CTXND1: variants seen among roughly 807,000 people sequenced by gnomAD.
CTXND1 encodes the protein cortexin domain containing 1.
chr15:80,229,619 T>C (rs532313151), intron 1 of CTXND1, among the ~76,000 whole-genome samples: 2 of 152,372 alleles, frequency 1.3e-5, no homozygotes, highest in East Asian at 3.9e-4. Flanking sequence ...TTTGATACTC[T>C]GATGCAAATT....
At chr15:80,210,809 A>T (rs1232833495) in intron 1 of CTXND1, among the ~76,000 whole-genome samples, 1 of 152,218 alleles carries the variant, frequency 6.6e-6, no homozygotes, top group East Asian at 1.9e-4. Context: ...TGGAATTCCC[A>T]GGTCAGGGTC....
intron 1 of CTXND1, among the ~76,000 whole-genome samples, chr15:80,239,545 T>TGAC (rs1356160769): frequency 6.6e-6 from 1 of 152,230 alleles, no homozygotes; most frequent in East Asian, 1.9e-4. Context: ...TGCTGGATGC[T>TGAC]TCCTGCCCTC....
chr15:80,247,152 C>T (rs1019222830), intron 1 of CTXND1, among the ~76,000 whole-genome samples: 3 of 152,114 alleles, frequency 2.0e-5, no homozygotes, highest in African/African-American at 7.2e-5. Flanking sequence ...GAATTTGACA[C>T]CAGGAGGTCC....
At chr15:80,232,941 C>CTTTTTT (rs71455324) in intron 1 of CTXND1, among the ~76,000 whole-genome samples, 3 of 123,212 alleles carry the variant, frequency 2.4e-5, no homozygotes, top group Non-Finnish European at 3.3e-5. Context: ...ATGCAACTTC[C>CTTTTTT]TTTTTTTTTT....
chr15:80,243,658 T>G (rs1332191706), intron 1 of CTXND1, among the ~76,000 whole-genome samples: 1 of 152,178 alleles, frequency 6.6e-6, no homozygotes, highest in Non-Finnish European at 1.5e-5. Flanking sequence ...ATCTTTCTCC[T>G]TGTACCCCAA....
At chr15:80,243,718 G>A (rs1223924228) in intron 1 of CTXND1, among the ~76,000 whole-genome samples, 1 of 152,214 alleles carries the variant, frequency 6.6e-6, no homozygotes, top group Non-Finnish European at 1.5e-5. Flanking sequence ...GGCAGACAGA[G>A]TGTGCAGATG....
At chr15:80,209,653 G>A (rs920563098) in intron 1 of CTXND1, among the ~76,000 whole-genome samples, 3 of 152,154 alleles carry the variant, frequency 2.0e-5, no homozygotes, top group Non-Finnish European at 2.9e-5. Flanking sequence ...CATAGGACAC[G>A]ATGAAGAATC....
intron 1 of CTXND1, among the ~76,000 whole-genome samples, chr15:80,242,125 G>T (rs762831742): frequency 6.6e-6 from 1 of 152,200 alleles, no homozygotes; most frequent in Non-Finnish European, 1.5e-5. Flanking sequence ...TAGGTTGAGA[G>T]AGACACCCTA....
chr15:80,213,648 G>T (rs59907061), intron 1 of CTXND1, among the ~76,000 whole-genome samples: 1 of 152,108 alleles, frequency 6.6e-6, no homozygotes, highest in Non-Finnish European at 1.5e-5. Context: ...ATCTAAAGAC[G>T]TAAAGAGAAA....
intron 1 of CTXND1, among the ~76,000 whole-genome samples, chr15:80,223,002 T>A (rs973207776): frequency 7.9e-5 from 12 of 152,336 alleles, no homozygotes; most frequent in African/African-American, 2.6e-4. Context: ...ATAAATGGAA[T>A]CATACAGAAT....
At chr15:80,226,214 G>A (rs549668725) in intron 1 of CTXND1, among the ~76,000 whole-genome samples, 1 of 151,446 alleles carries the variant, frequency 6.6e-6, no homozygotes, top group South Asian at 2.1e-4. Flanking sequence ...CCCTGAGCTG[G>A]TGGCTCCCTA....
At chr15:80,214,019 C>A (rs1893227661) in intron 1 of CTXND1, among the ~76,000 whole-genome samples, 1 of 151,850 alleles carries the variant, frequency 6.6e-6, no homozygotes, top group South Asian at 2.1e-4. Flanking sequence ...AGGCAATAAC[C>A]TACTGTGTTT....
intron 1 of CTXND1, among the ~76,000 whole-genome samples, chr15:80,226,104 C>A (rs1237136250): frequency 1.3e-5 from 2 of 152,218 alleles, no homozygotes; most frequent in African/African-American, 4.8e-5. Flanking sequence ...CCTTTCTCTC[C>A]TCTCACTCCA....
rs1407229730 is a variant in CTXND1 at position 80,198,289 on chromosome 15, C to T, written c.*3481G>A. 1 of 152,286 alleles carries T rather than the reference C, an allele frequency of 6.6e-6. No individual in the cohort carries two copies. Among genetic ancestry groups the T allele is most frequent in the Non-Finnish European group, 1.5e-5 (1 of 68,096 alleles). The allele number at this position is 152,286 out of a possible 1,614,324, so 9.4% of individuals were successfully genotyped here. The stretch of plus-strand genomic sequence containing the variant: ...ACAAGCAACAACTTAAAACTGGCCA[C>T]TAGGCACCATTGCCTGGAAAACCCA... On this transcript the variant is annotated 3_prime_UTR_variant, in exon 3 of 3. Transcript: ENST00000560778.
At chr15:80,242,348 G>A (rs756421522) in intron 1 of CTXND1, among the ~76,000 whole-genome samples, 10 of 152,228 alleles carry the variant, frequency 6.6e-5, no homozygotes, top group Non-Finnish European at 1.0e-4. Context: ...GTGAGCCCGG[G>A]CAAGAAGTTA....
At chr15:80,249,415 C>T (rs1893668860) in intron 1 of CTXND1, among the ~76,000 whole-genome samples, 2 of 152,210 alleles carry the variant, frequency 1.3e-5, no homozygotes, top group South Asian at 4.1e-4. Context: ...TCCCAGTTTT[C>T]CTACCTCATT....
At position 80,221,443 on chromosome 15, in the gene CTXND1, C is replaced by T. The variant is rs187286857; in HGVS notation, c.-217-17703G>A. ...ATAAAAATGATTTGTTTGGACTCGA[C>T]ATGGTGGCACGTGCCTTAAATCTCA... On this transcript the variant is annotated intron_variant, in intron 1 of 2. Coordinates refer to ENST00000560778, the MANE Select transcript of CTXND1 (RefSeq NM_001352888.2). Among the ~76,000 whole-genome samples the T allele has an allele frequency of 1.1e-4, 16 of 152,218 alleles. No homozygotes were observed. The East Asian group carries it at 3.1e-3, about 29-fold the overall frequency.
chr15:80,247,202 T>C (rs921261045), intron 1 of CTXND1, among the ~76,000 whole-genome samples: 1 of 152,072 alleles, frequency 6.6e-6, no homozygotes, highest in South Asian at 2.1e-4. Context: ...GCTCCATAAT[T>C]TGTGAATCCA....
chr15:80,197,862 G>A lies in CTXND1; in HGVS notation c.*3908C>T, dbSNP rs568305978. On this transcript the variant is annotated 3_prime_UTR_variant, in exon 3 of 3. Transcript: ENST00000560778. ...CCCCTTTTGGATTGATTTAGCCTCT[G>A]AAGTTCTGGAAATTTAATGAGACAG... 6.6e-6 allele frequency: 1 copy of A among 152,308 alleles called. No homozygotes were observed. The highest frequency in any genetic ancestry group is 6.5e-5 in the Admixed American group (1 of 15,304). 9.4% of individuals were successfully genotyped at this position (152,308 alleles called of 1,614,324 possible). A position where few individuals can be genotyped will look rare whatever the true frequency, so the allele number is the denominator to read the frequency against.
Sources: gnomAD v4.1 joint callset for allele counts (sites outside exome capture counted in the v4.1 genomes callset) on GRCh38, gnomAD v4.1.1 for gene constraint, MANE v1.5 for transcripts, NCBI Gene and HGNC (gene_info 2026-07-23, HGNC 2026-07-21) for gene names.